TRAPPC9: variants seen among roughly 807,000 people sequenced by gnomAD.
The protein encoded by TRAPPC9 is IKK2 binding protein.
TRAPPC9 carries 83 observed loss-of-function variants against 124.0 expected under a neutral mutation model. The observed-to-expected ratio is 0.67, with a 90% confidence interval of 0.56 to 0.80. The LOEUF (loss-of-function observed/expected upper bound fraction) is 0.80, where lower values mean the gene tolerates loss of function less well. TRAPPC9 is among the 30% of genes least tolerant of loss of function. The pLI, the probability that TRAPPC9 is intolerant of heterozygous loss-of-function variation, is 0.00. For synonymous variants in TRAPPC9, 638 were observed against 617.5 expected, an observed-to-expected ratio of 1.03 and a Z score of -0.49; for missense variants, 1,302 against 1,508.3, an observed-to-expected ratio of 0.86 and a Z score of 2.27.
intron 16 of TRAPPC9, among the ~76,000 whole-genome samples, chr8:140,246,404 C>G (rs2063988901): frequency 1.3e-5 from 2 of 152,230 alleles, no homozygotes; most frequent in African/African-American, 4.8e-5. Context: ...CGTTTCTAGA[C>G]TCGGACACTG....
intron 9 of TRAPPC9, among the ~76,000 whole-genome samples, chr8:140,319,301 G>A (rs1218499791): frequency 8.8e-5 from 13 of 148,478 alleles, no homozygotes; most frequent in African/African-American, 1.7e-4. Context: ...TCAGCCTCCC[G>A]AGTAGCTGGG....
chr8:139,954,517 G>A (rs1834856401), intron 19 of TRAPPC9, among the ~76,000 whole-genome samples: 1 of 152,188 alleles, frequency 6.6e-6, no homozygotes, highest in African/African-American at 2.4e-5. Flanking sequence ...ACTGTATGCA[G>A]TTTAAGCCAC....
At position 140,216,348 on chromosome 8, in the gene TRAPPC9, C is replaced by G. The variant is rs757129080; in HGVS notation, c.2556+5111G>C. Among the ~76,000 whole-genome samples, 3 of 152,094 alleles carry G rather than the reference C, an allele frequency of 2.0e-5. No homozygotes were observed. The highest frequency in any genetic ancestry group is 6.5e-5 in the Admixed American group (1 of 15,276). On this transcript the variant is annotated intron_variant, in intron 17 of 22. Transcript: ENST00000438773. The surrounding 1 kb of genome is among the most constrained non-coding windows in gnomAD (Gnocchi z 4.1). Reference sequence around the variant, plus strand: ...TTCCAAAGAAAAACAGCACATTCACCCTTGCAACACTCAATTGAAGAAAAC... The same window carrying G: ...TTCCAAAGAAAAACAGCACATTCACGCTTGCAACACTCAATTGAAGAAAAC...
At chr8:140,303,513 T>C (rs567142145) in intron 10 of TRAPPC9, among the ~76,000 whole-genome samples, 19 of 152,370 alleles carry the variant, frequency 1.2e-4, no homozygotes, top group Non-Finnish European at 2.6e-4. Flanking sequence ...TATAGTTCTA[T>C]CAGAACCATC....
intron 9 of TRAPPC9, among the ~76,000 whole-genome samples, chr8:140,332,283 T>C (rs1005807118): frequency 3.3e-5 from 5 of 152,128 alleles, no homozygotes; most frequent in Non-Finnish European, 7.4e-5. Flanking sequence ...CTAAACAAGT[T>C]GATCTCATAA....
chr8:140,320,627 T>C (rs2066567193), intron 9 of TRAPPC9, among the ~76,000 whole-genome samples: 1 of 152,230 alleles, frequency 6.6e-6, no homozygotes, highest in South Asian at 2.1e-4. Context: ...TAAGTCACTC[T>C]GCCTCTCCAC....
At chr8:139,977,342 C>CCAGG (rs1487430766) in intron 19 of TRAPPC9, among the ~76,000 whole-genome samples, 2 of 151,952 alleles carry the variant, frequency 1.3e-5, no homozygotes, top group Non-Finnish European at 2.9e-5. Context: ...AATGCTGAGG[C>CCAGG]CAGGCGTGGT....
rs1411883560 is a variant in TRAPPC9, at chr8:140,349,375, AGGGCACACAGCGGGGCCGATGG to A, written c.1495+10653_1495+10674del. On this transcript the variant is annotated intron_variant, in intron 9 of 22. Coordinates refer to ENST00000438773, the MANE Select transcript of TRAPPC9 (RefSeq NM_001160372.4). ...GCGCGAGGGAAGGGCGCGCGAGGGA[AGGGCACACAGCGGGGCCGATGG>A]GGGCGCGCGAGGGAAGGGCACACAG... 7.2e-5 allele frequency among the ~76,000 whole-genome samples: 5 copies of A among 69,904 alleles called. No homozygotes were observed. The East Asian group carries it at 1.4e-3, about 20-fold the overall frequency. 45.9% of individuals were successfully genotyped at this position (69,904 alleles called of 152,430 possible).
At chr8:140,271,684 G>A (rs542429803) in intron 15 of TRAPPC9, among the ~76,000 whole-genome samples, 5 of 152,290 alleles carry the variant, frequency 3.3e-5, no homozygotes, top group South Asian at 2.1e-4. Flanking sequence ...ATTGAAACCC[G>A]AATGCTACAC....
At chr8:140,030,390 G>A (rs1001922029) in intron 17 of TRAPPC9, among the ~76,000 whole-genome samples, 1 of 152,090 alleles carries the variant, frequency 6.6e-6, no homozygotes, top group Non-Finnish European at 1.5e-5. Flanking sequence ...GAAATCTACT[G>A]GAACTCTCAG....
chr8:139,766,533 T>C (rs963448472), intron 21 of TRAPPC9, among the ~76,000 whole-genome samples: 1 of 152,204 alleles, frequency 6.6e-6, no homozygotes, highest in Non-Finnish European at 1.5e-5. Flanking sequence ...TCAATAAATA[T>C]GTACTGACTT....
chr8:139,903,473 A>G (rs1831147075), intron 20 of TRAPPC9, among the ~76,000 whole-genome samples: 2 of 152,198 alleles, frequency 1.3e-5, no homozygotes, highest in Admixed American at 1.3e-4. Flanking sequence ...CCTTGCACCA[A>G]TCCCTGAAAT....
intron 19 of TRAPPC9, chr8:139,931,334 C>T (rs1372751204): frequency 6.6e-6 from 1 of 152,298 alleles, no homozygotes; most frequent in South Asian, 2.1e-4. Context: ...AGGTTAATGA[C>T]GTGGCAAATA....
At chr8:140,245,486 T>C (rs2063961840) in intron 16 of TRAPPC9, among the ~76,000 whole-genome samples, 1 of 152,156 alleles carries the variant, frequency 6.6e-6, no homozygotes, top group Non-Finnish European at 1.5e-5. Context: ...TGTGTGTGTG[T>C]GTGTGTCTGT....
intron 17 of TRAPPC9, among the ~76,000 whole-genome samples, chr8:140,102,287 T>G (rs2060594107): frequency 6.6e-6 from 1 of 152,228 alleles, no homozygotes; most frequent in South Asian, 2.1e-4. Context: ...ATGTCTAATG[T>G]GTTTTCCTGA....
chr8:140,036,826 G>A (rs1050176529), intron 17 of TRAPPC9, among the ~76,000 whole-genome samples: 8 of 152,126 alleles, frequency 5.3e-5, no homozygotes, highest in Non-Finnish European at 7.4e-5. Context: ...AAATCATCAC[G>A]ATCACATTAT....
chr8:140,213,841 A>G (rs1409122912), intron 17 of TRAPPC9, among the ~76,000 whole-genome samples: 4 of 152,204 alleles, frequency 2.6e-5, no homozygotes, highest in African/African-American at 9.7e-5. Flanking sequence ...GCAGGTGTGG[A>G]GTGTTTACAG....
chr8:140,329,073 C>A (rs1389305268), intron 9 of TRAPPC9, among the ~76,000 whole-genome samples: 1 of 152,072 alleles, frequency 6.6e-6, no homozygotes, highest in Non-Finnish European at 1.5e-5. Context: ...ACAAGCGGAC[C>A]CCTGAGCACC....
chr8:140,139,069 C>T (rs935485955), intron 17 of TRAPPC9, among the ~76,000 whole-genome samples: 1 of 152,158 alleles, frequency 6.6e-6, no homozygotes, highest in Non-Finnish European at 1.5e-5. Context: ...GTCCACATCA[C>T]ACCCATTCTA....
Sources: allele counts gnomAD v4.1 joint callset (sites outside exome capture counted in the v4.1 genomes callset), GRCh38; gene constraint gnomAD v4.1.1; non-coding constraint Gnocchi (gnomAD v3.1); transcripts MANE v1.5; gene names NCBI Gene and HGNC (gene_info 2026-07-23, HGNC 2026-07-21).